The following ARHGEF10 variants were observed in gnomAD, a reference collection of about 807,000 sequenced individuals.
ARHGEF10 encodes the protein Rho guanine nucleotide exchange factor (GEF) 10.
A neutral mutation model predicts 147.4 loss-of-function variants in ARHGEF10; 140 were observed. The ratio of observed to expected loss-of-function variants is 0.95; its 90% CI spans 0.83 to 1.09. The LOEUF is 1.09. ARHGEF10 is among the 50% of genes least tolerant of loss of function. The pLI is 0.00. For missense variants in ARHGEF10, 2,222 were observed against 1,752.7 expected (o/e 1.27, Z -4.78); for synonymous variants, 902 against 695.8 (o/e 1.30, Z -4.67).
chr8:1,920,868 T>A (rs1013914055), intron 18 of ARHGEF10, among the ~76,000 whole-genome samples: 5 of 106,414 alleles, frequency 4.7e-5, no homozygotes, highest in African/African-American at 1.1e-4. Context: ...CACCATGACC[T>A]CCTCCGCCTT....
intron 25 of ARHGEF10, among the ~76,000 whole-genome samples, chr8:1,930,502 C>A (rs3779702): frequency 3.3e-5 from 5 of 151,850 alleles, no homozygotes; most frequent in Non-Finnish European, 1.5e-5. Flanking sequence ...CCCCGCCCCC[C>A]CGCTGAAAAT....
At chr8:1,945,705 C>A in intron 27 of ARHGEF10, 50 bp downstream of exon 27, 5 of 1,610,356 alleles carry the variant, frequency 3.1e-6, no homozygotes, top group Non-Finnish European at 4.2e-6. Flanking sequence ...CGGGGACGGA[C>A]GTGGGGGGTG....
At position 1,938,579 on chromosome 8, in the gene ARHGEF10, A is replaced by T. The variant is rs1439352715; in HGVS notation, c.3222+4637A>T. On this transcript the variant is annotated intron_variant, in intron 26 of 28. Coordinates refer to ENST00000349830, the MANE Select transcript of ARHGEF10 (RefSeq NM_014629.4). ...GTGCAACATAGTGATTTGCTGCAGC[A>T]ATGCGTTTTTTTTCTCATAGGAAGT... Among the ~76,000 whole-genome samples the T allele has an allele frequency of 2.0e-5, 3 of 152,212 alleles. No individual in the cohort carries two copies. In the East Asian group the frequency reaches 5.8e-4, roughly 29 times the overall value.
chr8:1,957,520 C>G lies in ARHGEF10; in HGVS notation c.*257C>G, dbSNP rs1815680058. On this transcript the variant is annotated 3_prime_UTR_variant, in exon 29 of 29. Coordinates refer to ENST00000349830, the MANE Select transcript of ARHGEF10 (RefSeq NM_014629.4). ...AATTTTCGAGTAATTGAGTGCAGTT[C>G]TGGGAAAATACCACATTCTTTTTGA... 1 of 586,494 alleles carries G rather than the reference C, an allele frequency of 1.7e-6. No individual in the cohort carries two copies. Among genetic ancestry groups the G allele is most frequent in the African/African-American group, 1.9e-5 (1 of 53,666 alleles). 36.3% of individuals were successfully genotyped at this position (586,494 alleles called of 1,614,324 possible).
At chr8:1,871,814 C>T (rs1297871038) in intron 7 of ARHGEF10, among the ~76,000 whole-genome samples, 2 of 152,080 alleles carry the variant, frequency 1.3e-5, no homozygotes, top group East Asian at 1.9e-4. Flanking sequence ...GAGACTCCCT[C>T]TGAAAAAACA....
At position 1,937,232 on chromosome 8, in the gene ARHGEF10, T is replaced by A. The variant is rs563441701; in HGVS notation, c.3222+3290T>A. ...CACGTGCCCTGAGAATGAGAAGCCT[T>A]CAGTTTCGTGGGGAGCCAGGGATTA... On this transcript the variant is annotated intron_variant, in intron 26 of 28. Coordinates refer to ENST00000349830, the MANE Select transcript of ARHGEF10 (RefSeq NM_014629.4). The surrounding 1 kb of genome is among the most constrained non-coding windows in gnomAD (Gnocchi z 4.9). Among the ~76,000 whole-genome samples the A allele has an allele frequency of 6.6e-6, 1 of 152,156 alleles. No homozygotes were observed. The highest frequency in any genetic ancestry group is 2.4e-5 in the African/African-American group (1 of 41,450).
intron 14 of ARHGEF10, among the ~76,000 whole-genome samples, chr8:1,897,085 G>A (rs751749969): frequency 3.3e-5 from 5 of 152,218 alleles, no homozygotes; most frequent in African/African-American, 9.6e-5. Context: ...CAAAGACGTC[G>A]GCGGAACTGA....
chr8:1,881,971 CG>C (rs1350908167), intron 9 of ARHGEF10, among the ~76,000 whole-genome samples: 1 of 152,202 alleles, frequency 6.6e-6, no homozygotes, highest in Non-Finnish European at 1.5e-5. Flanking sequence ...ACGCCTCAGA[CG>C]CCCCTGAGTC....
At chr8:1,862,802 A>G (rs1188313368) in intron 4 of ARHGEF10, among the ~76,000 whole-genome samples, 1 of 138,266 alleles carries the variant, frequency 7.2e-6, no homozygotes, top group East Asian at 2.1e-4. Context: ...TTTTTGAGAC[A>G]GAGTCTCGCT....
chr8:1,903,693 C>T (rs1810664729), intron 16 of ARHGEF10: 1 of 584,188 alleles, frequency 1.7e-6, no homozygotes, highest in African/African-American at 1.9e-5. Context: ...ATTCATTAGA[C>T]CCTCAAATGG....
chr8:1,930,728 C>T (rs1433562245), intron 25 of ARHGEF10, among the ~76,000 whole-genome samples: 1 of 152,248 alleles, frequency 6.6e-6, no homozygotes, highest in Non-Finnish European at 1.5e-5. Context: ...TGGGGAGGCT[C>T]TCTCGACCTG....
At position 1,860,199 on chromosome 8, in the gene ARHGEF10, C is replaced by T. The variant is rs760275902; in HGVS notation, c.481+15C>T. 7 of 1,609,946 alleles carry T rather than the reference C, an allele frequency of 4.3e-6. No individual in the cohort carries two copies. In the African/African-American group the frequency reaches 9.3e-5, roughly 21 times the overall value. ...GGACGAAGAAGGTACTGCTACCCTC[C>T]TCTCCACGCCCCCGAAGTGGCCTGT... is the stretch of plus-strand genomic sequence containing the variant. On this transcript the variant is annotated intron_variant, in intron 4 of 28. Coordinates refer to ENST00000349830, the MANE Select transcript of ARHGEF10 (RefSeq NM_014629.4).
intron 27 of ARHGEF10, among the ~76,000 whole-genome samples, chr8:1,947,209 G>C (rs1002672439): frequency 2.0e-5 from 3 of 151,970 alleles, no homozygotes; most frequent in Non-Finnish European, 4.4e-5. Flanking sequence ...TCAAAGTTCT[G>C]TACACAAGGG....
chr8:1,888,371 A>G, intron 11 of ARHGEF10, among the ~76,000 whole-genome samples: 2 of 124,068 alleles, frequency 1.6e-5, no homozygotes, highest in African/African-American at 3.5e-5. Flanking sequence ...TTGTGAGGAG[A>G]TACTGAGGTG....
chr8:1,875,929 G>A (rs3735871), intron 7 of ARHGEF10: 18,589 of 153,214 alleles, frequency 0.12, 1,509 homozygotes, highest in South Asian at 0.28. Context: ...TAAGAAACCA[G>A]GTAAAATAAA....
At chr8:1,832,289 G>A (rs1381706565) in intron 1 of ARHGEF10, among the ~76,000 whole-genome samples, 5 of 152,142 alleles carry the variant, frequency 3.3e-5, no homozygotes, top group African/African-American at 4.8e-5. Context: ...ATGTGCAGCC[G>A]CCCTTGCTGT....
chr8:1,826,071 C>G, intron 1 of ARHGEF10: 1 of 1,585,708 alleles, frequency 6.3e-7, no homozygotes, highest in Non-Finnish European at 8.5e-7. Flanking sequence ...CTTTAGCAGC[C>G]AACATCGGCA....
chr8:1,935,465 C>A (rs369425313), intron 26 of ARHGEF10, among the ~76,000 whole-genome samples: 1 of 151,938 alleles, frequency 6.6e-6, no homozygotes, highest in African/African-American at 2.4e-5. Context: ...CTCCCTCCCC[C>A]AGTCTCGGCA....
At chr8:1,918,363 A>G (rs1239714851) in intron 18 of ARHGEF10, among the ~76,000 whole-genome samples, 3 of 151,882 alleles carry the variant, frequency 2.0e-5, no homozygotes, top group Non-Finnish European at 4.4e-5. Flanking sequence ...CATGGTCCGT[A>G]AGGTCGAGGA....
Sources: gnomAD v4.1 joint callset for allele counts (sites outside exome capture counted in the v4.1 genomes callset) on GRCh38, gnomAD v4.1.1 for gene constraint, Gnocchi (gnomAD v3.1) non-coding constraint, MANE v1.5 for transcripts, NCBI Gene and HGNC (gene_info 2026-07-23, HGNC 2026-07-21) for gene names.